PYHIN1: variants seen among roughly 807,000 people sequenced by gnomAD.
The protein encoded by PYHIN1 is pyrin and HIN domain-containing protein 1.
A neutral mutation model predicts 43.7 loss-of-function variants in PYHIN1; 32 were observed. The ratio of observed to expected loss-of-function variants is 0.73; its 90% confidence interval spans 0.55 to 0.98. PYHIN1 has a LOEUF of 0.98. PYHIN1 is among the 50% of genes least tolerant of loss of function. PYHIN1 has a pLI of 0.00. For missense variants in PYHIN1, 588 were observed against 589.5 expected (o/e 1.00, Z 0.03); for synonymous variants, 205 against 203.1 (o/e 1.01, Z -0.08).
intron 7 of PYHIN1, among the ~76,000 whole-genome samples, chr1:158,973,265 C>G (rs936848494): frequency 6.6e-6 from 1 of 151,800 alleles, no homozygotes; most frequent in African/African-American, 2.4e-5. Context: ...TATTGTTACC[C>G]AAAGTTCATA....
At chr1:158,968,849 A>G (rs371005253) in intron 7 of PYHIN1, among the ~76,000 whole-genome samples, 8 of 152,090 alleles carry the variant, frequency 5.3e-5, no homozygotes, top group Admixed American at 2.6e-4. Flanking sequence ...CAATGAGAGA[A>G]CACACGGACC....
At chr1:158,954,635 C>T (rs1025485200) in intron 7 of PYHIN1, among the ~76,000 whole-genome samples, 14 of 147,738 alleles carry the variant, frequency 9.5e-5, no homozygotes, top group African/African-American at 2.0e-4. Context: ...GGGTACCAGC[C>T]GCTGCAAAAT....
chr1:158,944,886 T>A lies in PYHIN1; in HGVS notation c.1203T>A (p.Asn401Lys). 6.4e-7 allele frequency: 1 copy of A among 1,571,456 alleles called. No individual in the cohort carries two copies. The highest frequency in any genetic ancestry group is 1.2e-5 in the South Asian group (1 of 83,366). Residue 401 changes from asparagine to lysine, a missense_variant, in exon 7 of 9, where the codon AAT (asparagine) becomes AAA (lysine). Asn to Lys is a moderately conservative substitution (Grantham distance 94, BLOSUM62 0). Transcript: ENST00000368140. ...EMHSFIQIQKNTNQRSHDSRS... is the reference protein window; with the variant it reads ...EMHSFIQIQKKTNQRSHDSRS... The stretch of plus-strand genomic sequence containing the variant: ...ATGAATACTTTCAGATACAGAAAAA[T>A]ACAAACCAGAGAAGCCATGACTCCA...
chr1:158,966,128 G>T (rs1650618488), intron 7 of PYHIN1, among the ~76,000 whole-genome samples: 1 of 152,132 alleles, frequency 6.6e-6, no homozygotes, highest in Admixed American at 6.5e-5. Flanking sequence ...AAACCTAGAA[G>T]AAATGGATAA....
intron 8 of PYHIN1, among the ~76,000 whole-genome samples, chr1:158,976,357 T>G (rs1772439): frequency 0.92 from 139,408 of 151,964 alleles, 65,165 homozygotes; most frequent in Non-Finnish European, 1. Context: ...TTTTGTACGC[T>G]CCTCCTACCT....
chr1:158,969,127 T>A lies in PYHIN1; in HGVS notation c.1360-4520T>A, dbSNP rs375582820. The stretch of plus-strand genomic sequence containing the variant: ...TAATGAACTCTAAAACTTAAGTATT[T>A]CATGGTCATATATTGCTTCCAGAGT... On this transcript the variant is annotated intron_variant, in intron 7 of 8. Transcript: ENST00000368140. 3.9e-5 allele frequency among the ~76,000 whole-genome samples: 6 copies of A among 152,128 alleles called. No individual in the cohort carries two copies. The East Asian group carries it at 5.8e-4, about 15-fold the overall frequency.
chr1:158,966,275 A>C (rs773509041), intron 7 of PYHIN1, among the ~76,000 whole-genome samples: 1 of 152,182 alleles, frequency 6.6e-6, no homozygotes, highest in Non-Finnish European at 1.5e-5. Context: ...AGATGGATTC[A>C]CAGCCAAATG....
At chr1:158,976,676 T>A in intron 8 of PYHIN1, 25 bp from the exon 9 acceptor site, 1 of 1,572,230 alleles carries the variant, frequency 6.4e-7, no homozygotes, top group East Asian at 2.3e-5. Flanking sequence ...TCAACGGGTT[T>A]ATTTTTATCT....
At chr1:158,972,111 C>G (rs997210775) in intron 7 of PYHIN1, among the ~76,000 whole-genome samples, 3 of 151,938 alleles carry the variant, frequency 2.0e-5, no homozygotes, top group African/African-American at 7.2e-5. Flanking sequence ...AACACAGATG[C>G]CAGAATCACC....
chr1:158,938,574 T>C (rs765894188), intron 3 of PYHIN1, 32 bp downstream of exon 3: 5 of 1,610,544 alleles, frequency 3.1e-6, no homozygotes, highest in South Asian at 2.2e-5. Flanking sequence ...AGGCTTCAAG[T>C]CTCACAGTGG....
At chr1:158,955,247 C>T (rs1102007) in intron 7 of PYHIN1, among the ~76,000 whole-genome samples, 45,758 of 150,964 alleles carry the variant, frequency 0.3, 7,254 homozygotes, top group South Asian at 0.48. Context: ...CTGCACCAAC[C>T]GGACCTAACA....
At chr1:158,939,333 T>G in intron 4 of PYHIN1, 86 bp downstream of exon 4, 1 of 1,588,920 alleles carries the variant, frequency 6.3e-7, no homozygotes, top group Non-Finnish European at 8.6e-7. Flanking sequence ...AAAAATGACA[T>G]CAATCATCAG....
the PYHIN1 span, among the ~76,000 whole-genome samples, chr1:158,986,445 C>G: frequency 4.8e-4 from 73 of 152,192 alleles, 1 homozygote; most frequent in African/African-American, 1.7e-3. Flanking sequence ...ACCTTTTTTT[C>G]TGACCACTTG....
intron 4 of PYHIN1, 103 bp from the exon 5 acceptor site, chr1:158,941,874 C>T (rs2101657046): frequency 9.0e-7 from 1 of 1,105,160 alleles, no homozygotes; most frequent in Non-Finnish European, 1.3e-6. Flanking sequence ...TACACATCTA[C>T]AACTTTTGGG....
At chr1:158,976,390 C>T (rs1651259755) in intron 8 of PYHIN1, among the ~76,000 whole-genome samples, 2 of 152,016 alleles carry the variant, frequency 1.3e-5, no homozygotes, top group South Asian at 4.1e-4. Context: ...AGAAGTTTCC[C>T]TTTAGCCCTT....
intron 7 of PYHIN1, among the ~76,000 whole-genome samples, chr1:158,945,669 C>G (rs1437388697): frequency 6.6e-6 from 1 of 152,162 alleles, no homozygotes; most frequent in African/African-American, 2.4e-5. Context: ...AGAGGCTTAT[C>G]ATATAAGATG....
intron 7 of PYHIN1, 53 bp downstream of exon 7, chr1:158,945,095 A>T (rs1343631822): frequency 6.6e-7 from 1 of 1,509,974 alleles, no homozygotes; most frequent in Non-Finnish European, 9.0e-7. Context: ...AATTACAAGG[A>T]TCATTAGATT....
chr1:158,947,145 G>A (rs1649267996), intron 7 of PYHIN1, among the ~76,000 whole-genome samples: 1 of 152,116 alleles, frequency 6.6e-6, no homozygotes, highest in African/African-American at 2.4e-5. Context: ...GATCCCAACT[G>A]AATACAATCT....
At chr1:158,943,121 T>C (rs1001433061) in intron 5 of PYHIN1, among the ~76,000 whole-genome samples, 33 of 152,178 alleles carry the variant, frequency 2.2e-4, no homozygotes, top group African/African-American at 8.0e-4. Flanking sequence ...GTCCAGTAAT[T>C]TCTTAGATGA....
Sources: gnomAD v4.1 joint callset for allele counts (sites outside exome capture counted in the v4.1 genomes callset) on GRCh38, gnomAD v4.1.1 for gene constraint, MANE v1.5 for transcripts, NCBI Gene and HGNC (gene_info 2026-07-23, HGNC 2026-07-21) for gene names.